Variants in TNS4 observed in about 807,000 individuals in gnomAD.
TNS4 encodes tensin 4.
TNS4 carries 46 observed loss-of-function variants against 70.4 expected under a neutral mutation model. The observed-to-expected ratio is 0.65, with a 90% CI of 0.52 to 0.84. TNS4 has a LOEUF of 0.84. TNS4 is among the 40% of genes least tolerant of loss of function. The probability of loss-of-function intolerance (pLI) is 0.00; values close to 1 mark genes in which losing one functional copy is unlikely to be tolerated. For missense variants in TNS4, 863 were observed against 907.0 expected (o/e 0.95, Z 0.62); for synonymous variants, 390 against 366.6 (o/e 1.06, Z -0.73).
intron 4 of TNS4, among the ~76,000 whole-genome samples, 160 bp from the exon 5 acceptor site, chr17:40,485,167 C>T (rs34453034): frequency 0.23 from 34,763 of 152,090 alleles, 4,301 homozygotes; most frequent in South Asian, 0.39. Flanking sequence ...AAACTGCCTA[C>T]GATGAGGGAA....
At chr17:40,494,221 G>A (rs183932998) in intron 2 of TNS4, among the ~76,000 whole-genome samples, 1 of 152,370 alleles carries the variant, frequency 6.6e-6, no homozygotes, top group Admixed American at 6.5e-5. Flanking sequence ...TGGTGTGCCA[G>A]GATTTGTGAT....
intron 2 of TNS4, among the ~76,000 whole-genome samples, chr17:40,489,322 C>T (rs2036036169): frequency 1.3e-5 from 2 of 152,158 alleles, no homozygotes; most frequent in African/African-American, 4.8e-5. Flanking sequence ...TGCATTCAGC[C>T]TTTTGGTGAT....
rs2143803412 is a variant in TNS4 at position 40,487,260 on chromosome 17, T to C, written c.1064A>G (p.Lys355Arg). ...TGGGGGGCAGCTGCTGGCATGTTCT[T>C]TGGCCAGTGGTGGAGAGTGGGGTGT... is the stretch of plus-strand genomic sequence containing the variant. Reference protein sequence around the residue: ...PRTPHSPPLAKEHASSCPPSI... With the variant: ...PRTPHSPPLAREHASSCPPSI... Residue 355 changes from lysine to arginine, a missense_variant, in exon 4 of 13, where the codon AAA (lysine) becomes AGA (arginine). By Grantham distance (26) the Lys-to-Arg change is conservative (BLOSUM62 2). Coordinates refer to ENST00000254051, the MANE Select transcript of TNS4 (RefSeq NM_032865.6). The C allele has an allele frequency of 6.2e-7, 1 of 1,614,160 alleles. No individual in the cohort carries two copies. Among genetic ancestry groups the C allele is most frequent in the East Asian group, 2.2e-5 (1 of 44,882 alleles).
intron 1 of TNS4, among the ~76,000 whole-genome samples, chr17:40,497,615 TAAAC>T (rs1051934319): frequency 2.3e-4 from 35 of 151,068 alleles, no homozygotes; most frequent in African/African-American, 8.2e-4. Flanking sequence ...ACTAAACAAA[TAAAC>T]AAATAAATAA....
chr17:40,493,001 A>G (rs1261876145), intron 2 of TNS4, among the ~76,000 whole-genome samples: 5 of 149,032 alleles, frequency 3.4e-5, no homozygotes, highest in East Asian at 2.0e-4. Flanking sequence ...CCCACCAAAG[A>G]AAAAAAAAAT....
chr17:40,481,318 G>A (rs777920431), intron 8 of TNS4, among the ~76,000 whole-genome samples: 2 of 152,072 alleles, frequency 1.3e-5, no homozygotes, highest in Non-Finnish European at 2.9e-5. Context: ...TAGAACCCTC[G>A]TTTTCTTTTC....
At chr17:40,484,634 T>C in intron 5 of TNS4, 25 bp from the exon 6 acceptor site, 2 of 1,610,064 alleles carry the variant, frequency 1.2e-6, no homozygotes, top group Non-Finnish European at 1.7e-6. Context: ...GAGTCAGAGA[T>C]GGACACCGCC....
intron 1 of TNS4, among the ~76,000 whole-genome samples, chr17:40,498,331 T>C (rs547405627): frequency 7.9e-5 from 12 of 152,364 alleles, no homozygotes; most frequent in South Asian, 2.1e-4. Context: ...TGAGAATTCC[T>C]GCACCCTCCC....
intron 1 of TNS4, among the ~76,000 whole-genome samples, chr17:40,497,767 A>G (rs1429354456): frequency 6.6e-6 from 1 of 152,184 alleles, no homozygotes; most frequent in Non-Finnish European, 1.5e-5. Flanking sequence ...CAGATCCCGT[A>G]GGGCCTTGCA....
chr17:40,484,508 G>A lies in TNS4; in HGVS notation c.1477C>T (p.Pro493Ser). 6.2e-7 allele frequency: 1 copy of A among 1,611,896 alleles called. No individual in the cohort carries two copies. Residue 493 changes from proline to serine, a missense_variant, in exon 6 of 13, where the codon CCC (proline) becomes TCC (serine). Coordinates refer to ENST00000254051, the MANE Select transcript of TNS4 (RefSeq NM_032865.6). ...FGLALKVQEV[P>S]ASAQSRPGED... is the part of the protein sequence containing the mutation. The stretch of plus-strand genomic sequence containing the variant: ...CCTGGTCGACTCTGAGCAGACGCGG[G>A]AACCTCCTGCACCTTCAGGGCCAGG...
At chr17:40,480,579 T>G in intron 9 of TNS4, 121 bp downstream of exon 9, 22 of 966,894 alleles carry the variant, frequency 2.3e-5, no homozygotes, top group East Asian at 3.2e-5. Context: ...GAAACAAAGC[T>G]GAGATGGGAA....
At chr17:40,499,954 C>T (rs753539493) in intron 1 of TNS4, among the ~76,000 whole-genome samples, 3 of 152,228 alleles carry the variant, frequency 2.0e-5, no homozygotes, top group Non-Finnish European at 4.4e-5. Context: ...GCTGGGCAAG[C>T]GTCCTTTCCT....
chr17:40,495,748 A>G (rs2036134240), intron 2 of TNS4, among the ~76,000 whole-genome samples: 2 of 152,178 alleles, frequency 1.3e-5, no homozygotes, highest in Admixed American at 1.3e-4. Flanking sequence ...TCATAAAATC[A>G]TAGAAAATCA....
intron 2 of TNS4, among the ~76,000 whole-genome samples, chr17:40,494,721 C>T (rs1005790848): frequency 7.0e-5 from 7 of 100,428 alleles, no homozygotes; most frequent in Non-Finnish European, 1.0e-4. Context: ...GACAGTGAGA[C>T]TCCATTGCAA....
chr17:40,480,826 C>A (rs1393807604), intron 8 of TNS4, 58 bp from the exon 9 acceptor site: 10 of 1,570,970 alleles, frequency 6.4e-6, no homozygotes, highest in Non-Finnish European at 7.8e-6. Context: ...TGAATGGACC[C>A]CTCTCACAGG....
chr17:40,477,736 G>A lies in TNS4; in HGVS notation c.2007-7C>T, dbSNP rs756978839. 2 of 1,613,504 alleles carry A rather than the reference G, an allele frequency of 1.2e-6. No homozygotes were observed. Among genetic ancestry groups the A allele is most frequent in the African/African-American group, 1.3e-5 (1 of 74,906 alleles). On this transcript the variant is annotated splice_region_variant and splice_polypyrimidine_tract_variant and intron_variant, in intron 12 of 12. Transcript: ENST00000254051. ...GGCCACAAACCCAAAGATCCTGGTG[G>A]GGGAGGGCAGTCTGAGTGAGGGGTG...
At chr17:40,478,723 TC>T (rs1349029405) in intron 10 of TNS4, 75 bp from the exon 11 acceptor site, 4 of 1,538,966 alleles carry the variant, frequency 2.6e-6, no homozygotes, top group Non-Finnish European at 3.6e-6. Context: ...CATCTCTCGT[TC>T]CCCCCAAGCT....
chr17:40,501,095 A>G (rs2036209148), intron 1 of TNS4, among the ~76,000 whole-genome samples: 1 of 152,160 alleles, frequency 6.6e-6, no homozygotes, highest in African/African-American at 2.4e-5. Context: ...TGTCTCATCC[A>G]CATCCTCCAC....
At chr17:40,482,544 G>A (rs920233986) in intron 6 of TNS4, 128 bp from the exon 7 acceptor site, 8 of 714,788 alleles carry the variant, frequency 1.1e-5, no homozygotes, top group African/African-American at 1.7e-5. Context: ...AGGAGTTCGA[G>A]ATCAGCCTGA....
Sources: allele counts gnomAD v4.1 joint callset (sites outside exome capture counted in the v4.1 genomes callset), GRCh38; gene constraint gnomAD v4.1.1; transcripts MANE v1.5; gene names NCBI Gene and HGNC (gene_info 2026-07-23, HGNC 2026-07-21).